Variants in PREP observed in about 807,000 individuals in gnomAD.
PREP encodes prolyl endopeptidase.
In PREP, 29 loss-of-function variants were observed where a neutral mutation model predicts 87.6. The observed-to-expected ratio is 0.33, with a 90% CI of 0.25 to 0.45. The LOEUF (loss-of-function observed/expected upper bound fraction) is 0.45, where lower values mean the gene tolerates loss of function less well. Ranked by LOEUF, PREP falls within the 20% of genes least tolerant of loss-of-function variation. The pLI is 1.00. For missense variants in PREP, 695 were observed against 886.5 expected (o/e 0.78, Z 2.74); for synonymous variants, 337 against 328.6 (o/e 1.03, Z -0.28).
At chr6:105,287,742 A>G (rs1770216705) in intron 11 of PREP, among the ~76,000 whole-genome samples, 1 of 152,196 alleles carries the variant, frequency 6.6e-6, no homozygotes, top group Non-Finnish European at 1.5e-5. Context: ...CAGATTTCAT[A>G]TGGGGTTCTA....
chr6:105,345,766 T>C (rs925507876), intron 7 of PREP, among the ~76,000 whole-genome samples: 2 of 152,152 alleles, frequency 1.3e-5, no homozygotes, highest in East Asian at 1.9e-4. Flanking sequence ...AATCTTTAAA[T>C]GGCATTAGGA....
intron 5 of PREP, among the ~76,000 whole-genome samples, chr6:105,371,500 C>CAAAAAAAAAAAAAAAAAAA (rs528772896): frequency 2.2e-5 from 1 of 44,798 alleles, no homozygotes; most frequent in African/African-American, 6.2e-5. Context: ...GATTCCATCT[C>CAAAAAAAAAAAAAAAAAAA]AAAAAAAAAA....
intron 8 of PREP, among the ~76,000 whole-genome samples, chr6:105,330,840 G>A (rs961941571): frequency 4.6e-5 from 7 of 152,150 alleles, no homozygotes; most frequent in Non-Finnish European, 8.8e-5. Flanking sequence ...GGCAAACTTT[G>A]TTTTCTCAAG....
intron 6 of PREP, among the ~76,000 whole-genome samples, chr6:105,353,777 A>AAG (rs1267929925): frequency 6.6e-6 from 1 of 151,412 alleles, no homozygotes; most frequent in African/African-American, 2.4e-5. Context: ...ATCTCAAAAA[A>AAG]AAAAAAAAAA....
chr6:105,372,823 T>C (rs1772593690), intron 5 of PREP, among the ~76,000 whole-genome samples: 1 of 152,226 alleles, frequency 6.6e-6, no homozygotes, highest in Non-Finnish European at 1.5e-5. Flanking sequence ...ACTGATTGAT[T>C]GTAATAATGA....
intron 2 of PREP, among the ~76,000 whole-genome samples, chr6:105,387,609 A>G (rs1773032838): frequency 9.7e-6 from 1 of 103,032 alleles, no homozygotes; most frequent in Non-Finnish European, 1.8e-5. Flanking sequence ...TGATGAGCTA[A>G]AAAAAAAAAA....
intron 8 of PREP, among the ~76,000 whole-genome samples, chr6:105,329,607 C>T (rs1771267529): frequency 1.3e-5 from 2 of 152,164 alleles, no homozygotes; most frequent in Admixed American, 6.5e-5. Context: ...TATTTTGTGC[C>T]TATTATCATG....
chr6:105,389,811 C>T (rs992683237), intron 2 of PREP, among the ~76,000 whole-genome samples: 9 of 152,026 alleles, frequency 5.9e-5, no homozygotes, highest in African/African-American at 1.2e-4. Flanking sequence ...TAGGCTAGAC[C>T]GACACCGAAA....
At chr6:105,389,911 CA>C (rs1479143801) in intron 2 of PREP, among the ~76,000 whole-genome samples, 2 of 152,104 alleles carry the variant, frequency 1.3e-5, no homozygotes, top group Non-Finnish European at 2.9e-5. Flanking sequence ...AGCAAAGAAA[CA>C]AACAAACAAA....
At chr6:105,311,997 A>G (rs544207508) in intron 10 of PREP, among the ~76,000 whole-genome samples, 33 of 152,308 alleles carry the variant, frequency 2.2e-4, no homozygotes, top group African/African-American at 7.9e-4. Flanking sequence ...TTCAGATTAT[A>G]CTCTTTCTAA....
intron 12 of PREP, among the ~76,000 whole-genome samples, chr6:105,284,909 T>C (rs568434705): frequency 6.6e-6 from 1 of 152,212 alleles, no homozygotes; most frequent in Admixed American, 6.5e-5. Context: ...GGAATAAAAC[T>C]AGAAAAATGA....
rs181704133 is a variant in PREP at position 105,356,998 on chromosome 6, G to C, written c.718-3921C>G. Reference sequence around the variant, plus strand: ...CCTTTTATTTATCTTGCTTTCCCCGGTGTCTTTCCTCTTTGTATTATATTT... The same window carrying C: ...CCTTTTATTTATCTTGCTTTCCCCGCTGTCTTTCCTCTTTGTATTATATTT... On this transcript the variant is annotated intron_variant, in intron 6 of 14. Coordinates refer to ENST00000652536, the MANE Select transcript of PREP (RefSeq NM_002726.5). Among the ~76,000 whole-genome samples, 394 of 152,056 alleles carry C rather than the reference G, an allele frequency of 2.6e-3. 3 individuals carry two copies. Among genetic ancestry groups the C allele is most frequent in the Middle Eastern group, 0.014 (4 of 294 alleles).
At chr6:105,282,425 T>C in intron 13 of PREP, 26 bp downstream of exon 13, 2 of 1,605,794 alleles carry the variant, frequency 1.2e-6, no homozygotes, top group Non-Finnish European at 1.7e-6. Flanking sequence ...AACTAGTAAG[T>C]GCAATGAATA....
At chr6:105,303,617 G>A (rs1278980302) in intron 10 of PREP, among the ~76,000 whole-genome samples, 3 of 152,080 alleles carry the variant, frequency 2.0e-5, no homozygotes, top group Admixed American at 6.6e-5. Flanking sequence ...TCTCAGGCAG[G>A]TTCATCCTTT....
At chr6:105,311,980 T>C (rs1221035912) in intron 10 of PREP, among the ~76,000 whole-genome samples, 2 of 152,236 alleles carry the variant, frequency 1.3e-5, no homozygotes, top group African/African-American at 4.8e-5. Flanking sequence ...CAACATGCCA[T>C]CCACAGTTCA....
In PREP at chr6:105,277,376, C is replaced by CAAAT. The variant is rs1046054866; in HGVS notation, c.*764_*767dup. On this transcript the variant is annotated 3_prime_UTR_variant, in exon 15 of 15. Coordinates refer to ENST00000652536, the MANE Select transcript of PREP (RefSeq NM_002726.5). ...CTGATTTCTAGGAATACTTTGTAAACAAATCAATATACAAATAGGTGAATA... is the reference window on the plus strand; with the variant it reads ...CTGATTTCTAGGAATACTTTGTAAACAAATAAATCAATATACAAATAGGTGAATA... Among the ~76,000 whole-genome samples, 1 of 152,016 alleles carries CAAAT rather than the reference C, an allele frequency of 6.6e-6. No homozygotes were observed. Among genetic ancestry groups the CAAAT allele is most frequent in the Non-Finnish European group, 1.5e-5 (1 of 67,982 alleles).
Position 105,275,207 on chromosome 6 carries a change from A to G in PREP, c.*2937T>C, listed in dbSNP as rs1475938453. On this transcript the variant is annotated 3_prime_UTR_variant, in exon 15 of 15. Transcript: ENST00000652536. ...GTCTTTGCAACTCCTTCTGGGCATT[A>G]GCTATGTGGCCTGCTGGGAACTTCC... Among the ~76,000 whole-genome samples the G allele has an allele frequency of 6.6e-6, 1 of 152,146 alleles. No homozygotes were observed. The highest frequency in any genetic ancestry group is 1.5e-5 in the Non-Finnish European group (1 of 68,026).
chr6:105,357,916 T>TC (rs987088792), intron 6 of PREP, among the ~76,000 whole-genome samples: 1 of 151,536 alleles, frequency 6.6e-6, no homozygotes, highest in African/African-American at 2.4e-5. Flanking sequence ...CAATACTGTT[T>TC]TTTTTTTTTT....
chr6:105,313,864 A>G (rs1464790295), intron 10 of PREP, among the ~76,000 whole-genome samples: 1 of 152,244 alleles, frequency 6.6e-6, no homozygotes, highest in African/African-American at 2.4e-5. Flanking sequence ...AAAGCAAAAG[A>G]GTAAATAAAG....
Sources: gnomAD v4.1 joint callset for allele counts (sites outside exome capture counted in the v4.1 genomes callset) on GRCh38, gnomAD v4.1.1 for gene constraint, MANE v1.5 for transcripts, NCBI Gene and HGNC (gene_info 2026-07-23, HGNC 2026-07-21) for gene names.